Variants in EFNA5 observed in about 807,000 individuals in gnomAD.
EFNA5 encodes the protein ephrin-A5.
A neutral mutation model predicts 22.9 loss-of-function variants in EFNA5; 5 were observed. The observed-to-expected ratio is 0.22, with a 90% CI of 0.11 to 0.46. The LOEUF (loss-of-function observed/expected upper bound fraction) is 0.46. Among genes scored for constraint, EFNA5 ranks in the 20% least tolerant of loss-of-function variants. The pLI, the probability that EFNA5 is intolerant of heterozygous loss-of-function variation, is 0.99. For missense variants in EFNA5, 237 were observed against 293.3 expected (o/e 0.81, Z 1.40); for synonymous variants, 113 against 112.2 (o/e 1.01, Z -0.04).
At chr5:107,387,664 C>G in intron 3 of EFNA5, 42 bp downstream of exon 3, 1 of 1,444,268 alleles carries the variant, frequency 6.9e-7, no homozygotes, top group Non-Finnish European at 9.7e-7. Context: ...ATAAAGCATG[C>G]GCGGTGAAGC....
chr5:107,384,229 G>A (rs1580414203), intron 4 of EFNA5, among the ~76,000 whole-genome samples: 1 of 152,308 alleles, frequency 6.6e-6, no homozygotes, highest in East Asian at 1.9e-4. Context: ...CACAGGCTTG[G>A]AAGAAGAAAG....
intron 1 of EFNA5, among the ~76,000 whole-genome samples, chr5:107,444,964 A>G (rs1749351997): frequency 6.6e-6 from 1 of 152,208 alleles, no homozygotes; most frequent in Non-Finnish European, 1.5e-5. Context: ...AAAATAACTT[A>G]TTTAATATTA....
At chr5:107,466,747 G>T in intron 1 of EFNA5, among the ~76,000 whole-genome samples, 1 of 152,286 alleles carries the variant, frequency 6.6e-6, no homozygotes, top group East Asian at 1.9e-4. Flanking sequence ...GAGTCTGGTA[G>T]GTGAGATGCA....
intron 1 of EFNA5, among the ~76,000 whole-genome samples, chr5:107,605,165 A>G (rs914952448): frequency 2.0e-5 from 3 of 152,020 alleles, no homozygotes; most frequent in Non-Finnish European, 4.4e-5. Flanking sequence ...GGGGGGAAGC[A>G]GAGCTAACTA....
At chr5:107,476,667 T>G (rs1322308476) in intron 1 of EFNA5, among the ~76,000 whole-genome samples, 3 of 152,182 alleles carry the variant, frequency 2.0e-5, no homozygotes, top group Admixed American at 1.3e-4. Flanking sequence ...CTCTCTGATT[T>G]GAAGTCCCTA....
At chr5:107,546,113 A>T (rs1319979897) in intron 1 of EFNA5, among the ~76,000 whole-genome samples, 1 of 152,176 alleles carries the variant, frequency 6.6e-6, no homozygotes, top group African/African-American at 2.4e-5. Context: ...CGATATCAAA[A>T]GTTGTATTTT....
intron 1 of EFNA5, among the ~76,000 whole-genome samples, chr5:107,641,991 C>A (rs954284880): frequency 6.6e-6 from 1 of 152,160 alleles, no homozygotes; most frequent in African/African-American, 2.4e-5. Context: ...CAAAAAAGGG[C>A]AGTATCTAAA....
intron 1 of EFNA5, among the ~76,000 whole-genome samples, chr5:107,592,137 A>C (rs1446510833): frequency 3.0e-5 from 4 of 135,558 alleles, no homozygotes; most frequent in African/African-American, 1.1e-4. Flanking sequence ...ATATAGAATA[A>C]ATGAGTCAAT....
chr5:107,561,313 A>G (rs1297290262), intron 1 of EFNA5, among the ~76,000 whole-genome samples: 1 of 152,230 alleles, frequency 6.6e-6, no homozygotes, highest in Non-Finnish European at 1.5e-5. Flanking sequence ...ACCTGGTACC[A>G]CTTGTGTTAA....
At chr5:107,432,799 G>A (rs188845378) in intron 1 of EFNA5, among the ~76,000 whole-genome samples, 12 of 152,150 alleles carry the variant, frequency 7.9e-5, no homozygotes, top group Admixed American at 5.9e-4. Context: ...TGAGCAACAC[G>A]GGTTTGAACT....
chr5:107,516,171 G>GT (rs1561419552), intron 1 of EFNA5, among the ~76,000 whole-genome samples: 162 of 53,174 alleles, frequency 3.0e-3, no homozygotes, highest in African/African-American at 8.9e-3. Context: ...TGCCTGGCTA[G>GT]TTTTGTGTGT....
Position 107,561,534 on chromosome 5 carries a change from A to AATATTTTGTATTTTTAGT in EFNA5, c.125+108937_125+108954dup, listed in dbSNP as rs1228920113. 3.9e-5 allele frequency among the ~76,000 whole-genome samples: 6 copies of AATATTTTGTATTTTTAGT among 151,954 alleles called. No individual in the cohort carries two copies. In the East Asian group the frequency reaches 5.8e-4, roughly 15 times the overall value. On this transcript the variant is annotated intron_variant, in intron 1 of 4. Coordinates refer to ENST00000333274, the MANE Select transcript of EFNA5 (RefSeq NM_001962.3). ...CAGGAGTGTGCCACCATGCCCGGCTAATATTTTGTATTTTTAGTAAAGATG... is the reference window on the plus strand; with the variant it reads ...CAGGAGTGTGCCACCATGCCCGGCTAATATTTTGTATTTTTAGTATATTTTGTATTTTTAGTAAAGATG...
chr5:107,487,645 T>C (rs143386524), intron 1 of EFNA5, among the ~76,000 whole-genome samples: 5 of 152,266 alleles, frequency 3.3e-5, no homozygotes, highest in East Asian at 3.9e-4. Flanking sequence ...CAAAAGGTAA[T>C]AGGGAATCAT....
At chr5:107,607,194 G>A (rs1009635020) in intron 1 of EFNA5, among the ~76,000 whole-genome samples, 3 of 152,282 alleles carry the variant, frequency 2.0e-5, no homozygotes, top group Admixed American at 6.5e-5. Flanking sequence ...AAATACAAAT[G>A]AAAACATTTC....
chr5:107,606,864 C>A (rs1749735401), intron 1 of EFNA5, among the ~76,000 whole-genome samples: 7 of 152,114 alleles, frequency 4.6e-5, no homozygotes, highest in Admixed American at 4.6e-4. Context: ...CTGGAGTTTG[C>A]TGATGCCAGG....
At chr5:107,538,193 T>G (rs1747966321) in intron 1 of EFNA5, among the ~76,000 whole-genome samples, 1 of 152,244 alleles carries the variant, frequency 6.6e-6, no homozygotes, top group African/African-American at 2.4e-5. Flanking sequence ...GTACGTAGTT[T>G]GAGGCCAAGA....
At chr5:107,489,881 G>C (rs1746754430) in intron 1 of EFNA5, among the ~76,000 whole-genome samples, 1 of 152,186 alleles carries the variant, frequency 6.6e-6, no homozygotes, top group Non-Finnish European at 1.5e-5. Context: ...AACATCCTGA[G>C]ATAAGAGGGG....
At chr5:107,531,664 T>C (rs767721518) in intron 1 of EFNA5, among the ~76,000 whole-genome samples, 1 of 152,218 alleles carries the variant, frequency 6.6e-6, no homozygotes, top group African/African-American at 2.4e-5. Context: ...TTTGGATTTC[T>C]AATGTGTTTT....
intron 1 of EFNA5, among the ~76,000 whole-genome samples, chr5:107,576,375 A>G (rs868215798): frequency 3.3e-5 from 5 of 152,316 alleles, no homozygotes; most frequent in Admixed American, 6.5e-5. Flanking sequence ...TGATTGCTAC[A>G]AAGAATGCTA....
Sources: allele counts gnomAD v4.1 joint callset (sites outside exome capture counted in the v4.1 genomes callset), GRCh38; gene constraint gnomAD v4.1.1; transcripts MANE v1.5; gene names NCBI Gene and HGNC (gene_info 2026-07-23, HGNC 2026-07-21).